The following RHAG variants were observed in gnomAD, a reference collection of about 807,000 sequenced individuals.
The protein encoded by RHAG is ammonium transporter Rh type A.
RHAG carries 25 observed loss-of-function variants against 42.4 expected under a neutral mutation model. That is an observed-to-expected ratio of 0.59 (90% CI 0.43 to 0.82). The LOEUF is 0.82. Ranked by LOEUF, RHAG falls within the 40% of genes least tolerant of loss-of-function variation. The pLI is 0.00. For missense variants in RHAG, 483 were observed against 504.6 expected, an observed-to-expected ratio of 0.96 and a Z score of 0.41; for synonymous variants, 182 against 177.7, an observed-to-expected ratio of 1.02 and a Z score of -0.19.
At chr6:49,635,983 A>G (rs1581955665) in intron 1 of RHAG, among the ~76,000 whole-genome samples, 1 of 152,256 alleles carries the variant, frequency 6.6e-6, no homozygotes, top group South Asian at 2.1e-4. Flanking sequence ...AGTAAATGGT[A>G]GTTATTGTTA....
intron 1 of RHAG, among the ~76,000 whole-genome samples, chr6:49,636,085 AAT>A (rs1215461887): frequency 2.0e-5 from 3 of 152,162 alleles, no homozygotes; most frequent in Non-Finnish European, 4.4e-5. Context: ...TTGTTTTTAA[AAT>A]ATGTTAAGTA....
chr6:49,636,689 T>C lies in RHAG; in HGVS notation c.124A>G (p.Thr42Ala), dbSNP rs199736102. Residue 42 changes from threonine to alanine, a missense_variant, in exon 1 of 10, where the codon ACA becomes GCA. Coordinates refer to ENST00000371175, the MANE Select transcript of RHAG (RefSeq NM_000324.3). ...VLEQLNITKPTDMGIFFELYP... is the reference protein window; with the variant it reads ...VLEQLNITKPADMGIFFELYP... Reference sequence around the variant, plus strand: ...AACTCAAAGAATATGCCCATGTCTGTTGGCTTGGTGATGTTGAGCTGCTCG... The same window carrying C: ...AACTCAAAGAATATGCCCATGTCTGCTGGCTTGGTGATGTTGAGCTGCTCG... 1.7e-5 allele frequency: 27 copies of C among 1,613,848 alleles called. No individual in the cohort carries two copies. Among genetic ancestry groups the C allele is most frequent in the Non-Finnish European group, 2.3e-5 (27 of 1,179,844 alleles).
At chr6:49,632,932 A>G (rs549859138) in intron 1 of RHAG, among the ~76,000 whole-genome samples, 3 of 152,152 alleles carry the variant, frequency 2.0e-5, no homozygotes, top group Non-Finnish European at 4.4e-5. Flanking sequence ...GTGCTATGGA[A>G]GCCAAAAACC....
chr6:49,614,072 T>C (rs1446996819), intron 5 of RHAG, among the ~76,000 whole-genome samples: 1 of 152,210 alleles, frequency 6.6e-6, no homozygotes, highest in Non-Finnish European at 1.5e-5. Context: ...AGCAGTTAAC[T>C]CTATTATTAA....
At chr6:49,612,586 A>G (rs1175614208) in intron 5 of RHAG, 52 bp from the exon 6 acceptor site, 2 of 1,607,048 alleles carry the variant, frequency 1.2e-6, no homozygotes, top group Admixed American at 1.7e-5. Context: ...TGGAGAATTC[A>G]GAAGGATCAG....
At position 49,607,486 on chromosome 6, in the gene RHAG, G is replaced by A. The variant is rs79349976; in HGVS notation, c.1068-266C>T. Among the ~76,000 whole-genome samples, 11 of 152,204 alleles carry A rather than the reference G, an allele frequency of 7.2e-5. No individual in the cohort carries two copies. In the South Asian group the frequency reaches 2.3e-3, roughly 32 times the overall value. On this transcript the variant is annotated intron_variant, in intron 7 of 9. Transcript: ENST00000371175. ...GGAAATAAGACTTTCCTTAGGGAGG[G>A]TTTAGCACTCTCAAAAAATTGATAC...
At position 49,611,148 on chromosome 6, in the gene RHAG, A is replaced by G. The variant is rs1345839735; in HGVS notation, c.946-3T>C. The G allele has an allele frequency of 5.6e-6, 9 of 1,611,124 alleles. No individual in the cohort carries two copies. In the Admixed American group the frequency reaches 1.2e-4, roughly 21 times the overall value. Reference sequence around the variant, plus strand: ...CTCAGTTTAGTAGTAAAAAGTGGCTAAAATTATAAAAGGAAGAAGGTTTAT... The same window carrying G: ...CTCAGTTTAGTAGTAAAAAGTGGCTGAAATTATAAAAGGAAGAAGGTTTAT... On this transcript the variant is annotated splice_polypyrimidine_tract_variant and splice_region_variant and intron_variant, in intron 6 of 9. Transcript: ENST00000371175.
intron 1 of RHAG, 137 bp downstream of exon 1, chr6:49,636,519 A>G: frequency 1.1e-6 from 1 of 935,642 alleles, no homozygotes; most frequent in Non-Finnish European, 1.7e-6. Context: ...CACATCACAA[A>G]CATGTAATAT....
intron 1 of RHAG, among the ~76,000 whole-genome samples, chr6:49,627,596 T>C (rs1437930133): frequency 6.6e-6 from 1 of 152,214 alleles, no homozygotes; most frequent in Non-Finnish European, 1.5e-5. Flanking sequence ...TGTACCAATT[T>C]ACTGCATTAA....
chr6:49,618,187 C>T lies in RHAG; in HGVS notation c.373G>A (p.Val125Ile). The change falls in exon 3 of 10, where the codon GTT becomes ATT. Residue 125 changes from valine to isoleucine, a missense_variant. By Grantham distance (29) the Val-to-Ile change is conservative. Coordinates refer to ENST00000371175, the MANE Select transcript of RHAG (RefSeq NM_000324.3). ...MINADFSAAT[V>I]LISFGAVLGK... Reference sequence around the variant, plus strand: ...AGGACAGCTCCAAAAGATATCAGAACTGTGGCTGCACTGAAGTCTGCATTT... The same window carrying T: ...AGGACAGCTCCAAAAGATATCAGAATTGTGGCTGCACTGAAGTCTGCATTT... 6.2e-7 allele frequency: 1 copy of T among 1,614,142 alleles called. No individual in the cohort carries two copies. Among genetic ancestry groups the T allele is most frequent in the Non-Finnish European group, 8.5e-7 (1 of 1,180,018 alleles).
In RHAG at chr6:49,614,823, C is replaced by A; in HGVS notation, c.671G>T (p.Ser224Ile). 6.2e-7 allele frequency: 1 copy of A among 1,614,214 alleles called. No homozygotes were observed. Among genetic ancestry groups the A allele is most frequent in the East Asian group, 2.2e-5 (1 of 44,888 alleles). Residue 224 changes from serine to isoleucine, a missense_variant, in exon 5 of 10, where the codon AGC (serine) becomes ATC (isoleucine). Coordinates refer to ENST00000371175, the MANE Select transcript of RHAG (RefSeq NM_000324.3). Reference protein sequence around the residue: ...GTLFLWMFWPSFNSAIAEPGD... With the variant: ...GTLFLWMFWPIFNSAIAEPGD... ...AGGTTCAGCAATGGCCGAGTTAAAG[C>A]TGGGCCAAAACATCCACAGAAAGAG...
At chr6:49,615,294 G>A in intron 4 of RHAG, 1 of 276,948 alleles carries the variant, frequency 3.6e-6, no homozygotes, top group Non-Finnish European at 6.8e-6. Flanking sequence ...TCTCTGTTTA[G>A]TCTTGATTAT....
At chr6:49,623,947 G>T (rs1390171098) in intron 1 of RHAG, among the ~76,000 whole-genome samples, 1 of 152,094 alleles carries the variant, frequency 6.6e-6, no homozygotes, top group Non-Finnish European at 1.5e-5. Flanking sequence ...GATAGCAGCG[G>T]GGAGGGAACC....
chr6:49,611,214 C>T, intron 6 of RHAG, 69 bp from the exon 7 acceptor site: 1 of 1,292,872 alleles, frequency 7.7e-7, no homozygotes, highest in East Asian at 2.3e-5. Flanking sequence ...TGAAACAGAG[C>T]TATAGCTGGG....
Position 49,636,828 on chromosome 6 carries a change from C to T in RHAG, c.-16G>A. 1 of 1,613,324 alleles carries T rather than the reference C, an allele frequency of 6.2e-7. No homozygotes were observed. Among genetic ancestry groups the T allele is most frequent in the Non-Finnish European group, 8.5e-7 (1 of 1,179,522 alleles). ...TGAACCTCATGTTTGTGGCAAAGGA[C>T]AGAGGCACACTGAGAGCTTCACAGG... On this transcript the variant is annotated 5_prime_UTR_variant, in exon 1 of 10. Coordinates refer to ENST00000371175, the MANE Select transcript of RHAG (RefSeq NM_000324.3).
In RHAG at chr6:49,612,440, C is replaced by T; in HGVS notation, c.902G>A (p.Ser301Asn). 1 of 1,614,056 alleles carries T rather than the reference C, an allele frequency of 6.2e-7. No homozygotes were observed. Among genetic ancestry groups the T allele is most frequent in the Non-Finnish European group, 8.5e-7 (1 of 1,179,904 alleles). Reference protein sequence around the residue: ...IHPFGSMIIGSIAGMVSVLGY... With the variant: ...IHPFGSMIIGNIAGMVSVLGY... ...AAGCACAGAGACCATTCCTGCAATG[C>T]TCCCAATAATCATAGAACCAAATGG... The change falls in exon 6 of 10, where the codon AGC (serine) becomes AAC (asparagine). Residue 301 changes from serine (S) to asparagine (N), a missense_variant. Physicochemically the swap from Ser to Asn is conservative, Grantham distance 46. Coordinates refer to ENST00000371175, the MANE Select transcript of RHAG (RefSeq NM_000324.3).
At chr6:49,628,684 G>A (rs543314906) in intron 1 of RHAG, among the ~76,000 whole-genome samples, 4 of 149,456 alleles carry the variant, frequency 2.7e-5, no homozygotes, top group Admixed American at 1.3e-4. Flanking sequence ...TCATGGTCTC[G>A]CTGGCTTCAG....
At chr6:49,631,096 A>C (rs531002758) in intron 1 of RHAG, among the ~76,000 whole-genome samples, 1 of 152,314 alleles carries the variant, frequency 6.6e-6, no homozygotes. Context: ...TGTACTTCCC[A>C]CTAGATCACA....
intron 1 of RHAG, among the ~76,000 whole-genome samples, chr6:49,627,962 A>G (rs1319894465): frequency 6.6e-6 from 1 of 152,206 alleles, no homozygotes; most frequent in East Asian, 1.9e-4. Context: ...CATATCACTT[A>G]ATAACTCAAC....
Sources: allele counts gnomAD v4.1 joint callset (sites outside exome capture counted in the v4.1 genomes callset), GRCh38; gene constraint gnomAD v4.1.1; transcripts MANE v1.5; gene names NCBI Gene and HGNC (gene_info 2026-07-23, HGNC 2026-07-21).